The following TMEM131L variants were observed in gnomAD, a reference collection of about 807,000 sequenced individuals.
The protein encoded by TMEM131L is transmembrane 131 like.
TMEM131L carries 54 observed loss-of-function variants against 192.2 expected under a neutral mutation model. That is an observed-to-expected ratio of 0.28 (90% CI 0.23 to 0.35). The LOEUF (loss-of-function observed/expected upper bound fraction) is 0.35. TMEM131L is among the 10% of genes least tolerant of loss of function. The pLI, the probability that TMEM131L is intolerant of heterozygous loss-of-function variation, is 1.00. For missense variants in TMEM131L, 1,888 were observed against 1,972.9 expected (o/e 0.96, Z 0.82); for synonymous variants, 701 against 704.9 (o/e 0.99, Z 0.09).
In TMEM131L at chr4:153,620,029, G is replaced by T. The variant is rs375327022; in HGVS notation, c.3568-727G>T. On this transcript the variant is annotated intron_variant, in intron 26 of 34. Coordinates refer to ENST00000409959, the MANE Select transcript of TMEM131L (RefSeq NM_001131007.2). ...CTCTGTTTTAAGAGGGCAACATGTG[G>T]AAGGAAGAAGAATAATAAGGATTAG... Among the ~76,000 whole-genome samples the T allele has an allele frequency of 3.3e-5, 5 of 152,158 alleles. No individual in the cohort carries two copies. The East Asian group carries it at 5.8e-4, about 18-fold the overall frequency.
At chr4:153,539,338 G>C (rs1736587667) in intron 3 of TMEM131L, among the ~76,000 whole-genome samples, 1 of 152,120 alleles carries the variant, frequency 6.6e-6, no homozygotes, top group Admixed American at 6.5e-5. Flanking sequence ...CTCTGACAGT[G>C]GGGTTATATT....
intron 7 of TMEM131L, among the ~76,000 whole-genome samples, chr4:153,563,249 GATTGTA>G (rs569405425): frequency 5.3e-4 from 80 of 152,262 alleles, no homozygotes; most frequent in Non-Finnish European, 9.7e-4. Flanking sequence ...GTGGAGCATG[GATTGTA>G]AAATGGGAGA....
rs781323693 is a variant in TMEM131L, at chr4:153,623,059, G to T, written c.4021G>T (p.Asp1341Tyr). The part of the protein sequence containing the change: ...SSDGDKKPMV[D>Y]AQHFLPAGDS... ...CGACGGGGATAAGAAGCCCATGGTG[G>T]ACGCCCAGCACTTCCTGCCGGCCGG... Residue 1341 changes from aspartate to tyrosine, a missense_variant, in exon 29 of 35, where the codon GAC becomes TAC. Asp to Tyr is a radical substitution (Grantham distance 160). Transcript: ENST00000409959. 3 of 1,610,452 alleles carry T rather than the reference G, an allele frequency of 1.9e-6. No homozygotes were observed. Among genetic ancestry groups the T allele is most frequent in the Non-Finnish European group, 2.5e-6 (3 of 1,178,298 alleles).
chr4:153,561,255 A>C (rs1461242599), intron 7 of TMEM131L, among the ~76,000 whole-genome samples: 1 of 152,106 alleles, frequency 6.6e-6, no homozygotes, highest in African/African-American at 2.4e-5. Context: ...TTGAGTAGTA[A>C]ATGTATTAAA....
chr4:153,592,470 C>T lies in TMEM131L; in HGVS notation c.1813-5C>T, dbSNP rs759317222. ...GGGTTTTAACTTTTCTTTCCTCACA[C>T]CTAGATCAAGTACTTTGTGGTGCAG... On this transcript the variant is annotated splice_region_variant and splice_polypyrimidine_tract_variant and intron_variant, in intron 17 of 34. Coordinates refer to ENST00000409959, the MANE Select transcript of TMEM131L (RefSeq NM_001131007.2). 4 of 1,608,548 alleles carry T rather than the reference C, an allele frequency of 2.5e-6. No homozygotes were observed. The South Asian group carries it at 3.3e-5, about 13-fold the overall frequency.
chr4:153,594,728 C>G (rs1442861028), intron 19 of TMEM131L, among the ~76,000 whole-genome samples: 1 of 152,294 alleles, frequency 6.6e-6, no homozygotes, highest in Admixed American at 6.5e-5. Context: ...CCCATTACCA[C>G]AGACTCTCCT....
intron 3 of TMEM131L, among the ~76,000 whole-genome samples, chr4:153,545,290 C>CTTTTTTTTTTTTTTTTTTTTTTTTTTTT (rs59852943): frequency 2.3e-5 from 3 of 132,332 alleles, no homozygotes; most frequent in East Asian, 2.5e-4. Flanking sequence ...CTTTTTCAAA[C>CTTTTTTTTTTTTTTTTTTTTTTTTTTTT]TTTTTTTTTT....
chr4:153,532,792 A>G (rs1371190643), intron 3 of TMEM131L, among the ~76,000 whole-genome samples: 5 of 152,164 alleles, frequency 3.3e-5, no homozygotes, highest in African/African-American at 1.2e-4. Context: ...ACTTTTGGAC[A>G]CAATCTCATG....
Position 153,636,356 on chromosome 4 carries a change from TCTGGGCCCCGCAAAG to T in TMEM131L, c.4615_4629del (p.Trp1539_Ser1543del). 1 of 1,614,170 alleles carries T rather than the reference TCTGGGCCCCGCAAAG, an allele frequency of 6.2e-7. No homozygotes were observed. The highest frequency in any genetic ancestry group is 8.5e-7 in the Non-Finnish European group (1 of 1,180,028). ...CCAATGTCTGGACTTTTTGGTTCCA[TCTGGGCCCCGCAAAG>T]CGATGTGTATGAAAATTGCTGCCCC... On this transcript the variant is annotated inframe_deletion, in exon 35 of 35. Coordinates refer to ENST00000409959, the MANE Select transcript of TMEM131L (RefSeq NM_001131007.2).
At chr4:153,530,743 GTAGC>G (rs1430863066) in intron 3 of TMEM131L, among the ~76,000 whole-genome samples, 3 of 152,174 alleles carry the variant, frequency 2.0e-5, no homozygotes, top group Non-Finnish European at 4.4e-5. Context: ...AGTGACAGAG[GTAGC>G]TCTTAGGTCT....
At chr4:153,623,626 A>G (rs1296619399) in intron 29 of TMEM131L, among the ~76,000 whole-genome samples, 7 of 152,198 alleles carry the variant, frequency 4.6e-5, no homozygotes, top group Non-Finnish European at 1.0e-4. Context: ...TTGTGACTGG[A>G]TCATTTCAGT....
intron 7 of TMEM131L, 99 bp downstream of exon 7, chr4:153,558,467 A>G: frequency 1.7e-6 from 1 of 595,346 alleles, no homozygotes; most frequent in Non-Finnish European, 3.0e-6. Context: ...TGAAAAAATT[A>G]TATAGAAGTA....
In TMEM131L at chr4:153,622,984, G is replaced by T. The variant is rs769545314; in HGVS notation, c.3946G>T (p.Val1316Leu). ...SSDCGSSSGS[V>L]RASRGSWGSW... ...TGACTGTGGGAGCTCCTCTGGCAGC[G>T]TGCGTGCCAGCCGGGGCAGCTGGGG... Residue 1316 changes from valine (V) to leucine (L), a missense_variant, in exon 29 of 35, where the codon GTG (valine) becomes TTG (leucine). Coordinates refer to ENST00000409959, the MANE Select transcript of TMEM131L (RefSeq NM_001131007.2). The T allele has an allele frequency of 4.3e-6, 7 of 1,614,184 alleles. No individual in the cohort carries two copies. The Admixed American group carries it at 1.2e-4, about 27-fold the overall frequency.
intron 3 of TMEM131L, among the ~76,000 whole-genome samples, chr4:153,528,910 C>G (rs1735694349): frequency 6.6e-6 from 1 of 152,166 alleles, no homozygotes; most frequent in Admixed American, 6.5e-5. Flanking sequence ...TCACACCAGT[C>G]TTTGAATTTT....
chr4:153,635,642 TG>T, intron 34 of TMEM131L, 71 bp downstream of exon 34: 1 of 1,557,180 alleles, frequency 6.4e-7, no homozygotes, highest in Non-Finnish European at 8.8e-7. Flanking sequence ...TCCTTAATCC[TG>T]GTCTCAGCTA....
intron 3 of TMEM131L, among the ~76,000 whole-genome samples, chr4:153,518,182 G>T (rs1450069318): frequency 6.6e-6 from 1 of 152,184 alleles, no homozygotes; most frequent in Non-Finnish European, 1.5e-5. Context: ...CAGTCAGCAG[G>T]TGCTTGCGTT....
chr4:153,498,879 C>G (rs1733382608), intron 3 of TMEM131L, among the ~76,000 whole-genome samples: 1 of 152,142 alleles, frequency 6.6e-6, no homozygotes, highest in African/African-American at 2.4e-5. Flanking sequence ...AGAGCTTTTG[C>G]CAACCTTTCT....
At chr4:153,487,873 CAAAG>C (rs1025831184) in intron 3 of TMEM131L, among the ~76,000 whole-genome samples, 4 of 137,792 alleles carry the variant, frequency 2.9e-5, no homozygotes, top group African/African-American at 8.3e-5. Flanking sequence ...GTGAGAGAGA[CAAAG>C]AGACAGACAG....
chr4:153,603,930 G>C lies in TMEM131L; in HGVS notation c.2918G>C (p.Gly973Ala). Reference protein sequence around the residue: ...NAAKRSPATYGHSQKKHKCSV... With the variant: ...NAAKRSPATYAHSQKKHKCSV... ...GCAAAGAGGAGCCCAGCCACCTATG[G>C]TCATTCTCAGAAGAAGCACAAATGC... The change falls in exon 25 of 35, where the codon GGT becomes GCT. Residue 973 changes from glycine to alanine, a missense_variant. Transcript: ENST00000409959. 6.2e-7 allele frequency: 1 copy of C among 1,614,038 alleles called. No homozygotes were observed. Among genetic ancestry groups the C allele is most frequent in the African/African-American group, 1.3e-5 (1 of 75,038 alleles).
Sources: allele counts gnomAD v4.1 joint callset (sites outside exome capture counted in the v4.1 genomes callset), GRCh38; gene constraint gnomAD v4.1.1; transcripts MANE v1.5; gene names NCBI Gene and HGNC (gene_info 2026-07-23, HGNC 2026-07-21).